The following NCKAP5 variants were observed in gnomAD, a reference collection of about 807,000 sequenced individuals.
NCKAP5 encodes NCK associated protein 5, also known as nck-associated protein 5.
A neutral mutation model predicts 167.0 loss-of-function variants in NCKAP5; 92 were observed. The ratio of observed to expected loss-of-function variants is 0.55; its 90% CI spans 0.47 to 0.66. The LOEUF (loss-of-function observed/expected upper bound fraction) is 0.66, where lower values mean the gene tolerates loss of function less well. Among genes scored for constraint, NCKAP5 ranks in the 30% least tolerant of loss-of-function variants. The pLI is 0.00. For synonymous variants in NCKAP5, 891 were observed against 877.4 expected, an observed-to-expected ratio of 1.02 and a Z score of -0.27; for missense variants, 2,378 against 2,315.0, an observed-to-expected ratio of 1.03 and a Z score of -0.56.
At chr2:133,231,712 T>C (rs948383454) in intron 4 of NCKAP5, among the ~76,000 whole-genome samples, 2 of 152,130 alleles carry the variant, frequency 1.3e-5, no homozygotes, top group African/African-American at 4.8e-5. Flanking sequence ...ACGGTACCTA[T>C]GACTGCTTTT....
chr2:133,352,540 G>T (rs1684435161), intron 3 of NCKAP5, among the ~76,000 whole-genome samples: 1 of 152,216 alleles, frequency 6.6e-6, no homozygotes, highest in East Asian at 1.9e-4. Flanking sequence ...AGGGGAAGAG[G>T]AGAAAGAATT....
chr2:133,084,563 G>A (rs2080918857), intron 6 of NCKAP5, among the ~76,000 whole-genome samples: 4 of 152,128 alleles, frequency 2.6e-5, no homozygotes, highest in Non-Finnish European at 5.9e-5. Context: ...TTCACTAAAT[G>A]TCTTCACCAG....
chr2:133,152,186 C>T (rs530634914), intron 5 of NCKAP5, among the ~76,000 whole-genome samples: 10 of 152,268 alleles, frequency 6.6e-5, no homozygotes, highest in African/African-American at 2.2e-4. Context: ...CTTTTGATCT[C>T]TCCCTATATC....
intron 2 of NCKAP5, among the ~76,000 whole-genome samples, chr2:133,537,304 T>C (rs1324306173): frequency 6.6e-6 from 1 of 152,088 alleles, no homozygotes; most frequent in Non-Finnish European, 1.5e-5. Context: ...CATATGGAAA[T>C]TCATATGAAT....
Position 132,860,745 on chromosome 2 carries a change from T to C in NCKAP5, c.688-134A>G, listed in dbSNP as rs1574446430. 3.4e-6 allele frequency: 4 copies of C among 1,165,812 alleles called. No homozygotes were observed. The East Asian group carries it at 7.9e-5, about 23-fold the overall frequency. 72.2% of individuals were successfully genotyped at this position (1,165,812 alleles called of 1,614,324 possible). A position where few individuals can be genotyped will look rare whatever the true frequency, so the allele number is the denominator to read the frequency against. ...ATTCTTCAAAGCCCCCAGAAGTAAATCACATACGTTTTCGTCCACAGACCA... is the reference window on the plus strand; with the variant it reads ...ATTCTTCAAAGCCCCCAGAAGTAAACCACATACGTTTTCGTCCACAGACCA... On this transcript the variant is annotated intron_variant, in intron 10 of 19. Coordinates refer to ENST00000409261, the MANE Select transcript of NCKAP5 (RefSeq NM_207363.3).
At chr2:132,839,721 G>C (rs1411089770) in intron 11 of NCKAP5, among the ~76,000 whole-genome samples, 3 of 133,202 alleles carry the variant, frequency 2.3e-5, no homozygotes, top group African/African-American at 5.9e-5. Context: ...TCATGGCACT[G>C]CTCTCCAGCC....
At chr2:133,336,097 C>G (rs1310160700) in intron 3 of NCKAP5, among the ~76,000 whole-genome samples, 1 of 152,056 alleles carries the variant, frequency 6.6e-6, no homozygotes, top group Non-Finnish European at 1.5e-5. Flanking sequence ...GGTGGAAAAT[C>G]ACACCTTCTG....
chr2:133,601,303 C>T, the NCKAP5 span, among the ~76,000 whole-genome samples: 1 of 152,246 alleles, frequency 6.6e-6, no homozygotes, highest in African/African-American at 2.4e-5. Flanking sequence ...GTTTATTCAA[C>T]TACCATTACC....
intron 4 of NCKAP5, among the ~76,000 whole-genome samples, chr2:133,267,105 G>C (rs1366319572): frequency 6.6e-6 from 1 of 152,186 alleles, no homozygotes; most frequent in Non-Finnish European, 1.5e-5. Context: ...TGAGGGGCGG[G>C]GAAGGGAGGT....
chr2:132,720,806 C>T (rs767706328), intron 19 of NCKAP5, among the ~76,000 whole-genome samples: 6 of 151,870 alleles, frequency 4.0e-5, no homozygotes, highest in African/African-American at 1.2e-4. Context: ...GTCACGAGTT[C>T]GAGACCAGCC....
chr2:133,017,763 A>G lies in NCKAP5; in HGVS notation c.342-23524T>C, dbSNP rs1029054026. Among the ~76,000 whole-genome samples, 15 of 150,782 alleles carry G rather than the reference A, an allele frequency of 9.9e-5. 1 individual carries two copies. Among genetic ancestry groups the G allele is most frequent in the African/African-American group, 3.4e-4 (14 of 40,590 alleles). On this transcript the variant is annotated intron_variant, in intron 6 of 19. Transcript: ENST00000409261. The stretch of plus-strand genomic sequence containing the variant: ...TTTCCTTCTCTCCCCAGTCTCCCCA[A>G]ACACATGAAAGCAGTAACACAAAAG...
At chr2:133,672,362 G>A in the NCKAP5 span, among the ~76,000 whole-genome samples, 1 of 152,202 alleles carries the variant, frequency 6.6e-6, no homozygotes, top group Admixed American at 6.5e-5. Flanking sequence ...GTGCCAGTCT[G>A]TAAACTATTT....
At position 133,299,541 on chromosome 2, in the gene NCKAP5, G is replaced by A. The variant is rs1680212875; in HGVS notation, c.143+3496C>T. 2.0e-5 allele frequency among the ~76,000 whole-genome samples: 3 copies of A among 152,164 alleles called. No individual in the cohort carries two copies. The South Asian group carries it at 6.2e-4, about 32-fold the overall frequency. ...GCGGGTGGATCACCTGAGGTCAGGA[G>A]TTCGAGACCAGCCTGGCCAACATGG... On this transcript the variant is annotated intron_variant, in intron 4 of 19. Transcript: ENST00000409261.
At position 132,783,166 on chromosome 2, in the gene NCKAP5, T is replaced by C. The variant is rs779515861; in HGVS notation, c.3645A>G (p.Ala1215=). The change falls in exon 14 of 20, where the codon GCA becomes GCG. Residue 1215 remains alanine, a synonymous_variant. Transcript: ENST00000409261. ...GAAGCCCATCAGCTAAACTGCCCTGTGCTTGTGAATCCGGTAGGGTCACAT... is the reference window on the plus strand; with the variant it reads ...GAAGCCCATCAGCTAAACTGCCCTGCGCTTGTGAATCCGGTAGGGTCACAT... ...ERNVTLPDSQ[A]QGSLADGLPL... 27 of 1,613,712 alleles carry C rather than the reference T, an allele frequency of 1.7e-5. No homozygotes were observed. Among genetic ancestry groups the C allele is most frequent in the Non-Finnish European group, 2.3e-5 (27 of 1,179,846 alleles).
intron 16 of NCKAP5, among the ~76,000 whole-genome samples, chr2:132,758,343 T>TAC (rs1680724616): frequency 6.6e-6 from 1 of 152,210 alleles, no homozygotes; most frequent in African/African-American, 2.4e-5. Flanking sequence ...ATTATAGGGT[T>TAC]TTTGTAAATC....
chr2:133,379,560 C>T (rs1686376600), intron 3 of NCKAP5, among the ~76,000 whole-genome samples: 1 of 152,194 alleles, frequency 6.6e-6, no homozygotes, highest in African/African-American at 2.4e-5. Context: ...TAAAACACTC[C>T]ATGCCTGTAT....
At chr2:133,574,726 T>A in the NCKAP5 span, among the ~76,000 whole-genome samples, 1 of 151,774 alleles carries the variant, frequency 6.6e-6, no homozygotes, top group Admixed American at 6.6e-5. Context: ...GTGGCAAATA[T>A]GCTTCAAGGG....
At chr2:133,528,662 T>C (rs573182526) in intron 2 of NCKAP5, among the ~76,000 whole-genome samples, 4 of 152,242 alleles carry the variant, frequency 2.6e-5, no homozygotes, top group African/African-American at 9.6e-5. Context: ...GTTCTTATGA[T>C]GACTTAGTTC....
upstream of NCKAP5, among the ~76,000 whole-genome samples, chr2:133,569,708 A>C (rs1688787170): frequency 6.6e-6 from 1 of 152,198 alleles, no homozygotes; most frequent in Admixed American, 6.5e-5. Flanking sequence ...TACCCCCAGC[A>C]GATGCTCATT....
Sources: gnomAD v4.1 joint callset for allele counts (sites outside exome capture counted in the v4.1 genomes callset) on GRCh38, gnomAD v4.1.1 for gene constraint, MANE v1.5 for transcripts, NCBI Gene and HGNC (gene_info 2026-07-23, HGNC 2026-07-21) for gene names.